SKAP1: variants seen among roughly 807,000 people sequenced by gnomAD.
SKAP1 encodes the protein src kinase-associated phosphoprotein 1.
A neutral mutation model predicts 58.5 loss-of-function variants in SKAP1; 44 were observed. The observed-to-expected ratio is 0.75, with a 90% CI of 0.59 to 0.97. The LOEUF is 0.97. Ranked by LOEUF, SKAP1 falls within the 50% of genes least tolerant of loss-of-function variation. The pLI is 0.00. For synonymous variants in SKAP1, 127 were observed against 149.7 expected (o/e 0.85, Z 1.11); for missense variants, 390 against 435.2 (o/e 0.90, Z 0.92).
chr17:48,137,405 T>C (rs1425783274), intron 11 of SKAP1, 68 bp from the exon 12 acceptor site: 9 of 1,051,482 alleles, frequency 8.6e-6, no homozygotes, highest in East Asian at 2.4e-5. Flanking sequence ...ATTCTAGTGA[T>C]TGCATGGGAG....
chr17:48,305,043 A>G lies in SKAP1; in HGVS notation c.280+40862T>C, dbSNP rs111459922. ...CTATGACTTGGGCAAAATCTCACCC[A>G]CACCATTTTTTGTAGGTCTTAGAAG... is the stretch of plus-strand genomic sequence containing the variant. On this transcript the variant is annotated intron_variant, in intron 4 of 12. Transcript: ENST00000336915. Among the ~76,000 whole-genome samples, 608 of 152,320 alleles carry G rather than the reference A, an allele frequency of 4.0e-3. 8 individuals carry two copies. Among genetic ancestry groups the G allele is most frequent in the African/African-American group, 0.014 (582 of 41,568 alleles).
At chr17:48,329,406 G>A (rs1380417625) in intron 4 of SKAP1, among the ~76,000 whole-genome samples, 1 of 152,128 alleles carries the variant, frequency 6.6e-6, no homozygotes, top group Admixed American at 6.5e-5. Context: ...AAAATCTGGA[G>A]GAGTAACAAT....
At chr17:48,390,593 T>C (rs559120263) in intron 2 of SKAP1, among the ~76,000 whole-genome samples, 1 of 152,304 alleles carries the variant, frequency 6.6e-6, no homozygotes, top group South Asian at 2.1e-4. Context: ...GTGACCTAAC[T>C]ATACAGTTAA....
At chr17:48,144,202 A>G (rs1452246813) in intron 11 of SKAP1, among the ~76,000 whole-genome samples, 16 of 152,208 alleles carry the variant, frequency 1.1e-4, no homozygotes, top group Admixed American at 1.0e-3. Context: ...CAAAGCACCT[A>G]CAGGTCCCGG....
chr17:48,172,584 A>G (rs967368042), intron 9 of SKAP1, among the ~76,000 whole-genome samples: 8 of 152,200 alleles, frequency 5.3e-5, no homozygotes, highest in Non-Finnish European at 1.2e-4. Flanking sequence ...TGCACAGTAG[A>G]TAGGGTATAG....
At chr17:48,192,191 A>T (rs1209254283) in intron 4 of SKAP1, among the ~76,000 whole-genome samples, 14 of 151,068 alleles carry the variant, frequency 9.3e-5, no homozygotes, top group African/African-American at 3.4e-4. Context: ...AAAAAAAAAA[A>T]TTGCTCCTGG....
intron 11 of SKAP1, among the ~76,000 whole-genome samples, chr17:48,146,169 C>T (rs1198297688): frequency 3.9e-5 from 6 of 152,040 alleles, no homozygotes; most frequent in African/African-American, 1.4e-4. Context: ...CTCGCGCTCC[C>T]CACACACAGG....
intron 4 of SKAP1, among the ~76,000 whole-genome samples, chr17:48,256,799 A>C (rs569143946): frequency 7.9e-5 from 12 of 152,254 alleles, no homozygotes; most frequent in Admixed American, 1.3e-4. Flanking sequence ...CTATAAATAA[A>C]AAATATTTCT....
At chr17:48,377,062 AC>A (rs777062999) in intron 2 of SKAP1, among the ~76,000 whole-genome samples, 36 of 152,188 alleles carry the variant, frequency 2.4e-4, no homozygotes, top group Admixed American at 5.2e-4. Flanking sequence ...TGAGTAAGGG[AC>A]AGGGTAGGAT....
chr17:48,136,158 G>A (rs1463075311), intron 12 of SKAP1, among the ~76,000 whole-genome samples: 1 of 151,142 alleles, frequency 6.6e-6, no homozygotes, highest in Non-Finnish European at 1.5e-5. Flanking sequence ...TAAAGGAAGA[G>A]GGTATGCTTT....
At chr17:48,188,072 G>A (rs921156254) in intron 5 of SKAP1, 146 bp from the exon 6 acceptor site, 102 of 606,186 alleles carry the variant, frequency 1.7e-4, no homozygotes, top group Non-Finnish European at 2.6e-4. Flanking sequence ...ACTCCCACAG[G>A]TTATCCCATA....
At chr17:48,244,222 C>T (rs923699610) in intron 4 of SKAP1, among the ~76,000 whole-genome samples, 2 of 152,142 alleles carry the variant, frequency 1.3e-5, no homozygotes, top group Non-Finnish European at 2.9e-5. Flanking sequence ...TCCAATGAAG[C>T]CTTTTCTCCA....
At chr17:48,278,363 TGAG>T (rs1188137263) in intron 4 of SKAP1, among the ~76,000 whole-genome samples, 1 of 152,174 alleles carries the variant, frequency 6.6e-6, no homozygotes, top group Non-Finnish European at 1.5e-5. Flanking sequence ...GTTAGTTGAA[TGAG>T]TTAATAAATG....
intron 4 of SKAP1, among the ~76,000 whole-genome samples, chr17:48,315,333 G>A (rs1322638749): frequency 6.6e-6 from 1 of 152,152 alleles, no homozygotes; most frequent in Non-Finnish European, 1.5e-5. Context: ...TGAACACTCT[G>A]AAATTATATG....
chr17:48,283,959 T>C (rs981794950), intron 4 of SKAP1, among the ~76,000 whole-genome samples: 2 of 152,220 alleles, frequency 1.3e-5, no homozygotes, highest in East Asian at 1.9e-4. Flanking sequence ...CCATTCTCTG[T>C]CTACTCCTCT....
At chr17:48,285,278 T>C (rs1463524707) in intron 4 of SKAP1, among the ~76,000 whole-genome samples, 2 of 152,170 alleles carry the variant, frequency 1.3e-5, no homozygotes, top group African/African-American at 4.8e-5. Context: ...CTCTCCTTTA[T>C]ACGATACCAC....
At chr17:48,427,652 A>G (rs1203283579) in intron 1 of SKAP1, among the ~76,000 whole-genome samples, 1 of 92,066 alleles carries the variant, frequency 1.1e-5, no homozygotes, top group Non-Finnish European at 2.3e-5. Flanking sequence ...TATGTCAAAA[A>G]ATGCCCCTGT....
chr17:48,437,411 A>C, the SKAP1 span, among the ~76,000 whole-genome samples: 1 of 152,140 alleles, frequency 6.6e-6, no homozygotes, highest in Non-Finnish European at 1.5e-5. Context: ...ATGAAGGTTA[A>C]GTAGGATGAT....
intron 10 of SKAP1, among the ~76,000 whole-genome samples, chr17:48,168,076 A>T (rs971649418): frequency 6.6e-6 from 1 of 152,328 alleles, no homozygotes; most frequent in Non-Finnish European, 1.5e-5. Context: ...TTTTCTAGGT[A>T]ACAGAATGAA....
Sources: allele counts gnomAD v4.1 joint callset (sites outside exome capture counted in the v4.1 genomes callset), GRCh38; gene constraint gnomAD v4.1.1; transcripts MANE v1.5; gene names NCBI Gene and HGNC (gene_info 2026-07-23, HGNC 2026-07-21).